ACP3: variants seen among roughly 807,000 people sequenced by gnomAD.
ACP3 encodes the protein acid phosphatase 3, also known as prostatic acid phosphatase.
Under a neutral mutation model 45.6 loss-of-function variants are expected in ACP3, and 38 were observed. The ratio of observed to expected loss-of-function variants is 0.83; its 90% CI spans 0.64 to 1.09. The LOEUF (loss-of-function observed/expected upper bound fraction) is 1.09, where lower values mean the gene tolerates loss of function less well. Among genes scored for constraint, ACP3 ranks in the 50% least tolerant of loss-of-function variants. The pLI is 0.00. For synonymous variants in ACP3, 162 were observed against 164.7 expected (o/e 0.98, Z 0.13); for missense variants, 466 against 463.2 (o/e 1.01, Z -0.05).
At chr3:132,342,484 C>G in intron 5 of ACP3, 68 bp from the exon 6 acceptor site, 1 of 1,148,332 alleles carries the variant, frequency 8.7e-7, no homozygotes. Context: ...TTGTCTGGCC[C>G]AAAATATCAA....
At chr3:132,350,908 G>A (rs957379189) in intron 8 of ACP3, among the ~76,000 whole-genome samples, 1 of 152,186 alleles carries the variant, frequency 6.6e-6, no homozygotes, top group South Asian at 2.1e-4. Context: ...TTTTGTGATA[G>A]TCTAGAAAAA....
chr3:132,367,004 A>G (rs936899705), intron 10 of ACP3, among the ~76,000 whole-genome samples: 9 of 152,202 alleles, frequency 5.9e-5, no homozygotes, highest in Non-Finnish European at 1.0e-4. Flanking sequence ...AAGAAACCCT[A>G]TATTTTTACA....
At chr3:132,339,810 C>T (rs1049551755) in intron 5 of ACP3, among the ~76,000 whole-genome samples, 1 of 152,130 alleles carries the variant, frequency 6.6e-6, no homozygotes, top group African/African-American at 2.4e-5. Flanking sequence ...TGGCTATCAA[C>T]TTAAATTTTA....
chr3:132,337,219 C>G (rs1937507011), intron 4 of ACP3: 2 of 346,428 alleles, frequency 5.8e-6, no homozygotes, highest in South Asian at 4.7e-5. Flanking sequence ...TATATTATGG[C>G]AAGTTTATGA....
At chr3:132,348,204 G>A (rs1239987501) in intron 7 of ACP3, among the ~76,000 whole-genome samples, 1 of 152,102 alleles carries the variant, frequency 6.6e-6, no homozygotes, top group Non-Finnish European at 1.5e-5. Flanking sequence ...CAAAGTTTAT[G>A]TCTTCAGGTC....
chr3:132,348,937 G>A (rs1937653924), intron 7 of ACP3, among the ~76,000 whole-genome samples: 1 of 144,846 alleles, frequency 6.9e-6, no homozygotes, highest in Non-Finnish European at 1.5e-5. Flanking sequence ...TGTTTGTTGA[G>A]TGGACTACAG....
At chr3:132,337,062 G>GT (rs1937503172) in intron 4 of ACP3, among the ~76,000 whole-genome samples, 1 of 137,930 alleles carries the variant, frequency 7.3e-6, no homozygotes, top group Non-Finnish European at 1.5e-5. Flanking sequence ...ACATGCGTTG[G>GT]GGTGTGTGTG....
At chr3:132,352,633 C>A in intron 8 of ACP3, 87 bp from the exon 9 acceptor site, 1 of 885,086 alleles carries the variant, frequency 1.1e-6, no homozygotes, top group Non-Finnish European at 1.8e-6. Flanking sequence ...TTAATTGAAT[C>A]AGAAGCCATC....
At chr3:132,351,619 T>C (rs926574234) in intron 8 of ACP3, among the ~76,000 whole-genome samples, 3 of 152,204 alleles carry the variant, frequency 2.0e-5, no homozygotes, top group African/African-American at 7.2e-5. Flanking sequence ...TGGAGAGAGA[T>C]AGGCCTGAAA....
At chr3:132,325,478 T>C (rs1576408554) in intron 1 of ACP3, among the ~76,000 whole-genome samples, 1 of 152,178 alleles carries the variant, frequency 6.6e-6, no homozygotes, top group East Asian at 1.9e-4. Flanking sequence ...TTTTTCTCTC[T>C]CAGGCCATTC....
Position 132,331,589 on chromosome 3 carries a change from A to G in ACP3, c.217-58A>G, listed in dbSNP as rs192779051. On this transcript the variant is annotated intron_variant, in intron 2 of 9. Coordinates refer to ENST00000336375, the MANE Select transcript of ACP3 (RefSeq NM_001099.5). The stretch of plus-strand genomic sequence containing the variant: ...AAAAAAAAATCAACAAATTTTTATG[A>G]TAGTGTGATTCATAGAACTTACTTT... 1,195 of 1,347,664 alleles carry G rather than the reference A, an allele frequency of 8.9e-4. 4 individuals carry two copies. The highest frequency in any genetic ancestry group is 2.7e-3 in the Middle Eastern group (13 of 4,750). 83.5% of individuals were successfully genotyped at this position (1,347,664 alleles called of 1,614,324 possible). A position where few individuals can be genotyped will look rare whatever the true frequency, so the allele number is the denominator to read the frequency against.
chr3:132,352,512 T>G (rs1387108424), intron 8 of ACP3, among the ~76,000 whole-genome samples: 1 of 152,112 alleles, frequency 6.6e-6, no homozygotes, highest in African/African-American at 2.4e-5. Context: ...TCTTCATCTT[T>G]TAAATGAAAA....
At position 132,337,068 on chromosome 3, in the gene ACP3, G is replaced by T. The variant is rs182368461; in HGVS notation, c.457-388G>T. ...TCCATACATACATGCGTTGGGGTGTGTGTGTGTGTGTGTGTGTGTGTGTGT... is the reference window on the plus strand; with the variant it reads ...TCCATACATACATGCGTTGGGGTGTTTGTGTGTGTGTGTGTGTGTGTGTGT... On this transcript the variant is annotated intron_variant, in intron 4 of 9. Coordinates refer to ENST00000336375, the MANE Select transcript of ACP3 (RefSeq NM_001099.5). 2.4e-5 allele frequency among the ~76,000 whole-genome samples: 3 copies of T among 124,954 alleles called. No homozygotes were observed. In the East Asian group the frequency reaches 7.2e-4, roughly 30 times the overall value. The allele number at this position is 124,954 out of a possible 152,430, so 82.0% of individuals were successfully genotyped here.
chr3:132,349,013 A>ACACACACACACACACACACC (rs1394263295), intron 7 of ACP3, among the ~76,000 whole-genome samples: 2 of 151,912 alleles, frequency 1.3e-5, no homozygotes, highest in African/African-American at 4.8e-5. Flanking sequence ...ACACACACAC[A>ACACACACACACACACACACC]CCCTAACACA....
chr3:132,341,650 A>G (rs748756044), intron 5 of ACP3, among the ~76,000 whole-genome samples: 2 of 152,210 alleles, frequency 1.3e-5, no homozygotes, highest in Non-Finnish European at 2.9e-5. Context: ...TTCATCTTCT[A>G]TGCTCCAGAA....
chr3:132,353,149 TATA>T (rs201007385), intron 9 of ACP3, among the ~76,000 whole-genome samples: 5 of 152,244 alleles, frequency 3.3e-5, no homozygotes, highest in Non-Finnish European at 5.9e-5. Flanking sequence ...TTGATGGTTA[TATA>T]ATAATATTTT....
downstream of ACP3, among the ~76,000 whole-genome samples, chr3:132,363,679 C>T (rs1054993149): frequency 9.9e-5 from 15 of 152,096 alleles, no homozygotes; most frequent in Admixed American, 9.8e-4. Context: ...TGGCTCATGC[C>T]TATAATCACA....
intron 6 of ACP3, among the ~76,000 whole-genome samples, chr3:132,343,963 A>G (rs1247322119): frequency 6.6e-6 from 1 of 151,988 alleles, no homozygotes; most frequent in East Asian, 1.9e-4. Context: ...ATGAGGCCCT[A>G]CCTCTACAAA....
downstream of ACP3, among the ~76,000 whole-genome samples, chr3:132,361,437 C>G (rs1938038627): frequency 6.6e-6 from 1 of 152,182 alleles, no homozygotes; most frequent in Non-Finnish European, 1.5e-5. Context: ...ATAACGCTGA[C>G]CTGTCCCATA....
Sources: allele counts gnomAD v4.1 joint callset (sites outside exome capture counted in the v4.1 genomes callset), GRCh38; gene constraint gnomAD v4.1.1; transcripts MANE v1.5; gene names NCBI Gene and HGNC (gene_info 2026-07-23, HGNC 2026-07-21).